The following NUP35 variants were observed in gnomAD, a reference collection of about 807,000 sequenced individuals.
The protein encoded by NUP35 is nucleoporin NUP35.
Under a neutral mutation model 41.5 loss-of-function variants are expected in NUP35, and 25 were observed. The observed-to-expected ratio is 0.60, with a 90% CI of 0.44 to 0.84. The LOEUF is 0.84. Among genes scored for constraint, NUP35 ranks in the 40% least tolerant of loss-of-function variants. The pLI is 0.00. For missense variants in NUP35, 396 were observed against 396.6 expected (o/e 1.00, Z 0.01); for synonymous variants, 149 against 130.7 (o/e 1.14, Z -0.96).
At chr2:183,133,717 C>G (rs1420554992) in intron 4 of NUP35, 94 bp downstream of exon 4, 2 of 704,124 alleles carry the variant, frequency 2.8e-6, no homozygotes, top group Admixed American at 4.0e-5. Context: ...ACGGAGTAAA[C>G]AACTCTGACA....
At chr2:183,154,683 A>G (rs1559155598) in intron 5 of NUP35, among the ~76,000 whole-genome samples, 1 of 152,136 alleles carries the variant, frequency 6.6e-6, no homozygotes, top group Non-Finnish European at 1.5e-5. Flanking sequence ...GGAGGTTCCA[A>G]ACTTCCCACA....
chr2:183,141,378 ATGT>A (rs546529345), intron 4 of NUP35, among the ~76,000 whole-genome samples: 1 of 152,326 alleles, frequency 6.6e-6, no homozygotes, highest in South Asian at 2.1e-4. Flanking sequence ...AGGGATTAGA[ATGT>A]TGTTATCTTG....
intron 5 of NUP35, 91 bp downstream of exon 5, chr2:183,151,740 G>A: frequency 2.4e-6 from 3 of 1,265,586 alleles, no homozygotes; most frequent in Non-Finnish European, 3.3e-6. Flanking sequence ...GGAAAGAAGT[G>A]CATAGCAAAC....
intron 5 of NUP35, among the ~76,000 whole-genome samples, chr2:183,156,713 G>A (rs752032137): frequency 7.3e-5 from 11 of 151,286 alleles, no homozygotes; most frequent in African/African-American, 1.2e-4. Flanking sequence ...TTTTCTTTAG[G>A]GTTCTAATTC....
chr2:183,148,422 C>T (rs1308348644), intron 4 of NUP35, among the ~76,000 whole-genome samples: 1 of 152,068 alleles, frequency 6.6e-6, no homozygotes, highest in Non-Finnish European at 1.5e-5. Flanking sequence ...ACGTTCTCAC[C>T]AACAGTGTAT....
chr2:183,128,387 G>A lies in NUP35; in HGVS notation c.141G>A (p.Val47=). ...GFLMGDLPAP[V]TPQPRSISGP... is the part of the protein sequence containing the mutation. ...TAATGGGGGATTTGCCAGCTCCGGTGACTCCACAACCTCGATCAATTAGTG... is the reference window on the plus strand; with the variant it reads ...TAATGGGGGATTTGCCAGCTCCGGTAACTCCACAACCTCGATCAATTAGTG... Residue 47 remains valine, a synonymous_variant, in exon 2 of 9, where the codon GTG becomes GTA. Transcript: ENST00000295119. 6.2e-7 allele frequency: 1 copy of A among 1,614,032 alleles called. No individual in the cohort carries two copies. The highest frequency in any genetic ancestry group is 8.5e-7 in the Non-Finnish European group (1 of 1,179,982).
In NUP35 at chr2:183,161,097, T is replaced by C; in HGVS notation, c.947T>C (p.Val316Ala). Residue 316 changes from valine to alanine, a missense_variant, in exon 9 of 9, where the codon GTA becomes GCA. Transcript: ENST00000295119. ...RQTPKKDESLVSKAMEYMFGW is the reference protein window; with the variant it reads ...RQTPKKDESLASKAMEYMFGW ...ACGCCAAAAAAAGATGAAAGTCTTG[T>C]ATCCAAAGCAATGGAGTACATGTTT... 1 of 1,613,536 alleles carries C rather than the reference T, an allele frequency of 6.2e-7. No homozygotes were observed. The highest frequency in any genetic ancestry group is 8.5e-7 in the Non-Finnish European group (1 of 1,179,634).
chr2:183,161,213 T>C lies in NUP35; in HGVS notation c.*82T>C. ...TTCCTTCGGTTAGTTATATAACTGT[T>C]CCTGCAGTATTGGATAGCTATCTCA... is the stretch of plus-strand genomic sequence containing the variant. On this transcript the variant is annotated 3_prime_UTR_variant, in exon 9 of 9. Coordinates refer to ENST00000295119, the MANE Select transcript of NUP35 (RefSeq NM_138285.5). 1 of 920,208 alleles carries C rather than the reference T, an allele frequency of 1.1e-6. No individual in the cohort carries two copies. Among genetic ancestry groups the C allele is most frequent in the Non-Finnish European group, 1.7e-6 (1 of 587,666 alleles). The allele number at this position is 920,208 out of a possible 1,614,324, so 57.0% of individuals were successfully genotyped here. A position where few individuals can be genotyped will look rare whatever the true frequency, so the allele number is the denominator to read the frequency against.
intron 4 of NUP35, among the ~76,000 whole-genome samples, chr2:183,139,320 C>T (rs1480267876): frequency 6.6e-6 from 1 of 151,882 alleles, no homozygotes; most frequent in East Asian, 1.9e-4. Context: ...AGTCCTCCCA[C>T]CTCGACCTCC....
intron 5 of NUP35, among the ~76,000 whole-genome samples, chr2:183,152,931 T>C: frequency 6.6e-6 from 1 of 152,176 alleles, no homozygotes; most frequent in East Asian, 1.9e-4. Context: ...TAAAGACATA[T>C]CCGAGACTGG....
At chr2:183,119,872 A>G (rs567204347), upstream of NUP35, 24 of 152,342 alleles carry the variant, frequency 1.6e-4, no homozygotes, top group African/African-American at 5.8e-4. Context: ...GAAGCCAAGG[A>G]TCTCAGTTAC....
intron 5 of NUP35, 148 bp from the exon 6 acceptor site, chr2:183,157,296 C>T (rs1028106180): frequency 1.5e-6 from 1 of 660,344 alleles, no homozygotes; most frequent in Non-Finnish European, 2.7e-6. Flanking sequence ...AGAATTAGCC[C>T]ATATCGGGGA....
chr2:183,121,669 T>C (rs1700068805), upstream of NUP35, among the ~76,000 whole-genome samples: 1 of 151,274 alleles, frequency 6.6e-6, no homozygotes, highest in Non-Finnish European at 1.5e-5. Context: ...CTGTCTGTAC[T>C]AAAATTCAAA....
In NUP35 at chr2:183,130,464, T is replaced by C; in HGVS notation, c.258T>C (p.Ser86=). 2 of 1,607,912 alleles carry C rather than the reference T, an allele frequency of 1.2e-6. No homozygotes were observed. The highest frequency in any genetic ancestry group is 1.7e-6 in the Non-Finnish European group (2 of 1,179,236). ...QPVVPAHKDK[S]GAPPVRSIYD... The stretch of plus-strand genomic sequence containing the variant: ...TTGTACCAGCTCATAAAGATAAAAG[T>C]GGCGCTCCACCAGTTAGAAGTATAT... The change falls in exon 3 of 9, where the codon AGT becomes AGC. Residue 86 remains serine (S), a synonymous_variant. Coordinates refer to ENST00000295119, the MANE Select transcript of NUP35 (RefSeq NM_138285.5).
rs957898667 is a variant in NUP35 at position 183,135,900 on chromosome 2, G to T, written c.397+2277G>T. Among the ~76,000 whole-genome samples the T allele has an allele frequency of 4.0e-5, 6 of 151,550 alleles. No individual in the cohort carries two copies. In the South Asian group the frequency reaches 8.3e-4, roughly 21 times the overall value. ...AATAAAAATTTAAAAAAAAAAGCACGCAAAAAAACTAACCAAATTAACAAT... is the reference window on the plus strand; with the variant it reads ...AATAAAAATTTAAAAAAAAAAGCACTCAAAAAAACTAACCAAATTAACAAT... On this transcript the variant is annotated intron_variant, in intron 4 of 8. Transcript: ENST00000295119.
At chr2:183,158,586 G>A (rs190017793) in intron 7 of NUP35, among the ~76,000 whole-genome samples, 175 bp downstream of exon 7, 1 of 152,208 alleles carries the variant, frequency 6.6e-6, no homozygotes, top group Non-Finnish European at 1.5e-5. Context: ...TAATCATAGA[G>A]TTTAGAATTT....
chr2:183,128,333 A>T lies in NUP35; in HGVS notation c.87A>T (p.Gly29=), dbSNP rs776409939. 10 of 1,613,572 alleles carry T rather than the reference A, an allele frequency of 6.2e-6. No homozygotes were observed. Among genetic ancestry groups the T allele is most frequent in the Non-Finnish European group, 8.5e-6 (10 of 1,179,756 alleles). Reference sequence around the variant, plus strand: ...GTTCACCCACATCTCCAAAGCCAGGAGTTAATGCCCAGTTCTTACCTGGAT... The same window carrying T: ...GTTCACCCACATCTCCAAAGCCAGGTGTTAATGCCCAGTTCTTACCTGGAT... ...MLGSPTSPKP[G]VNAQFLPGFL... is the part of the protein sequence containing the mutation. Residue 29 remains glycine, a synonymous_variant, in exon 2 of 9, where the codon GGA becomes GGT. Transcript: ENST00000295119.
chr2:183,142,650 T>A (rs1049242506), intron 4 of NUP35, among the ~76,000 whole-genome samples: 12 of 150,878 alleles, frequency 8.0e-5, no homozygotes, highest in Non-Finnish European at 1.6e-4. Flanking sequence ...GGGCTACTTT[T>A]TGTATTTTTA....
intron 4 of NUP35, among the ~76,000 whole-genome samples, chr2:183,136,202 AACAGCAG>A (rs1684869634): frequency 1.3e-5 from 2 of 152,238 alleles, no homozygotes; most frequent in East Asian, 1.9e-4. Flanking sequence ...CTTGGGTGTT[AACAGCAG>A]CACCTGACTT....
Sources: allele counts gnomAD v4.1 joint callset (sites outside exome capture counted in the v4.1 genomes callset), GRCh38; gene constraint gnomAD v4.1.1; transcripts MANE v1.5; gene names NCBI Gene and HGNC (gene_info 2026-07-23, HGNC 2026-07-21).